Variants in PGM5 observed in about 807,000 individuals in gnomAD.
PGM5 encodes phosphoglucomutase-like protein 5.
In PGM5, 23 loss-of-function variants were observed where a neutral mutation model predicts 59.2. The observed-to-expected ratio is 0.39, with a 90% confidence interval of 0.28 to 0.55. The LOEUF (loss-of-function observed/expected upper bound fraction) is 0.55, where lower values mean the gene tolerates loss of function less well. Ranked by LOEUF, PGM5 falls within the 20% of genes least tolerant of loss-of-function variation. The pLI is 0.66. For synonymous variants in PGM5, 214 were observed against 286.0 expected (o/e 0.75, Z 2.54); for missense variants, 574 against 748.3 (o/e 0.77, Z 2.72).
chr9:68,373,913 A>G (rs1235138573), intron 1 of PGM5, among the ~76,000 whole-genome samples: 1 of 152,354 alleles, frequency 6.6e-6, no homozygotes, highest in East Asian at 1.9e-4. Context: ...TAAGCAGTGT[A>G]GAGATGATAT....
At chr9:68,439,999 T>C (rs1385501426) in intron 6 of PGM5, among the ~76,000 whole-genome samples, 2 of 152,192 alleles carry the variant, frequency 1.3e-5, no homozygotes, top group African/African-American at 4.8e-5. Flanking sequence ...TGAAATCATG[T>C]TGGGTCAGTT....
intron 4 of PGM5, among the ~76,000 whole-genome samples, chr9:68,390,897 T>A (rs1178326943): frequency 2.6e-5 from 4 of 152,054 alleles, no homozygotes; most frequent in African/African-American, 9.7e-5. Context: ...CTGCAGTCAT[T>A]CATTTGCAGC....
intron 9 of PGM5, among the ~76,000 whole-genome samples, chr9:68,494,906 T>C (rs782434420): frequency 6.6e-6 from 1 of 152,350 alleles, no homozygotes; most frequent in Non-Finnish European, 1.5e-5. Flanking sequence ...TGTGGATCCT[T>C]GCTAAATGCG....
At chr9:68,488,301 T>G (rs1554687680) in intron 9 of PGM5, among the ~76,000 whole-genome samples, 2 of 152,214 alleles carry the variant, frequency 1.3e-5, no homozygotes, top group African/African-American at 2.4e-5. Context: ...TTAAGGCAGC[T>G]TGGTCTCCTT....
chr9:68,434,518 T>C (rs1015932892), intron 6 of PGM5, among the ~76,000 whole-genome samples: 1 of 151,824 alleles, frequency 6.6e-6, no homozygotes, highest in Non-Finnish European at 1.5e-5. Context: ...GTTAAAATTG[T>C]GATCTTGGCT....
intron 2 of PGM5, among the ~76,000 whole-genome samples, chr9:68,382,273 GA>G (rs1356033167): frequency 1.7e-4 from 26 of 151,362 alleles, no homozygotes; most frequent in African/African-American, 5.6e-4. Context: ...AATGGAGAAA[GA>G]AAAAAACCTC....
At chr9:68,447,674 C>T (rs1488522124) in intron 6 of PGM5, among the ~76,000 whole-genome samples, 1 of 152,090 alleles carries the variant, frequency 6.6e-6, no homozygotes. Context: ...GCAAGTATTT[C>T]CTACAGTTCC....
intron 6 of PGM5, among the ~76,000 whole-genome samples, chr9:68,413,797 C>T (rs1822976814): frequency 6.6e-6 from 1 of 152,194 alleles, no homozygotes; most frequent in Non-Finnish European, 1.5e-5. Context: ...CTTAACAAAA[C>T]AACACAGCCA....
At chr9:68,465,825 AC>A (rs527897359) in intron 7 of PGM5, among the ~76,000 whole-genome samples, 1 of 152,036 alleles carries the variant, frequency 6.6e-6, no homozygotes, top group Non-Finnish European at 1.5e-5. Context: ...TGTGTAAAGT[AC>A]CCCCCAGTCT....
intron 1 of PGM5, among the ~76,000 whole-genome samples, chr9:68,360,895 T>C (rs1315194602): frequency 6.6e-6 from 1 of 152,168 alleles, no homozygotes; most frequent in Non-Finnish European, 1.5e-5. Flanking sequence ...CCAGTCCACA[T>C]TCAGATTTCC....
chr9:68,494,422 A>G (rs1442086080), intron 9 of PGM5, among the ~76,000 whole-genome samples: 1 of 152,210 alleles, frequency 6.6e-6, no homozygotes, highest in Non-Finnish European at 1.5e-5. Flanking sequence ...TATAAGGGAC[A>G]TGTAGCACAG....
At chr9:68,490,474 C>G (rs1407200866) in intron 9 of PGM5, among the ~76,000 whole-genome samples, 1 of 152,168 alleles carries the variant, frequency 6.6e-6, no homozygotes, top group Non-Finnish European at 1.5e-5. Context: ...CCTGCCTCAG[C>G]CCCCCGAGTA....
chr9:68,412,814 A>G (rs1181909810), intron 6 of PGM5, among the ~76,000 whole-genome samples: 1 of 152,188 alleles, frequency 6.6e-6, no homozygotes, highest in Non-Finnish European at 1.5e-5. Context: ...ATTCCAGAGC[A>G]TGTTAATTGT....
intron 10 of PGM5, among the ~76,000 whole-genome samples, chr9:68,502,677 ATTTGTTTG>A (rs3064031): frequency 2.6e-4 from 40 of 151,728 alleles, no homozygotes; most frequent in African/African-American, 6.5e-4. Flanking sequence ...GAATTTAAGT[ATTTGTTTG>A]TTTGTTTGTT....
chr9:68,366,938 T>C (rs1384742236), intron 1 of PGM5, among the ~76,000 whole-genome samples: 1 of 152,242 alleles, frequency 6.6e-6, no homozygotes, highest in East Asian at 1.9e-4. Flanking sequence ...GTAGCTTTAC[T>C]AACCAGAAAG....
At chr9:68,466,268 GT>G in intron 7 of PGM5, 1 of 758,698 alleles carries the variant, frequency 1.3e-6, no homozygotes, top group Non-Finnish European at 1.6e-6. Flanking sequence ...CCGATACTGT[GT>G]GTTTTTTTTT....
At chr9:68,453,321 A>G (rs553336125) in intron 6 of PGM5, among the ~76,000 whole-genome samples, 49 of 152,080 alleles carry the variant, frequency 3.2e-4, no homozygotes, top group Non-Finnish European at 5.6e-4. Flanking sequence ...ACCATCGCTT[A>G]ATTTTATCTT....
intron 6 of PGM5, among the ~76,000 whole-genome samples, chr9:68,404,735 T>G (rs1554680958): frequency 6.6e-6 from 1 of 152,178 alleles, no homozygotes; most frequent in Non-Finnish European, 1.5e-5. Flanking sequence ...TATTCTGGCA[T>G]GAGGGAAAAC....
rs1186722585 is a variant in PGM5 at position 68,479,394 on chromosome 9, G to A, written c.1160-24G>A. ...CTTTGCTCCCACAAATGAATGCTCA[G>A]CAGAATTTTTCTTTCACCTTTAGGC... On this transcript the variant is annotated intron_variant, in intron 7 of 10. Coordinates refer to ENST00000396396, the MANE Select transcript of PGM5 (RefSeq NM_021965.4). 14 of 1,590,138 alleles carry A rather than the reference G, an allele frequency of 8.8e-6. No homozygotes were observed. In the Admixed American group the frequency reaches 2.3e-4, roughly 26 times the overall value.
Sources: allele counts gnomAD v4.1 joint callset (sites outside exome capture counted in the v4.1 genomes callset), GRCh38; gene constraint gnomAD v4.1.1; transcripts MANE v1.5; gene names NCBI Gene and HGNC (gene_info 2026-07-23, HGNC 2026-07-21).